RTN1: variants seen among roughly 807,000 people sequenced by gnomAD.
RTN1 encodes reticulon 1.
Under a neutral mutation model 65.5 loss-of-function variants are expected in RTN1, and 25 were observed. That is an observed-to-expected ratio of 0.38 (90% CI 0.28 to 0.53). The LOEUF is 0.53. Among genes scored for constraint, RTN1 ranks in the 20% least tolerant of loss-of-function variants. The probability of loss-of-function intolerance (pLI) is 0.79; values close to 1 mark genes in which losing one functional copy is unlikely to be tolerated. For synonymous variants in RTN1, 471 were observed against 447.6 expected, an observed-to-expected ratio of 1.05 and a Z score of -0.66; for missense variants, 983 against 1,025.4, an observed-to-expected ratio of 0.96 and a Z score of 0.57.
intron 3 of RTN1, among the ~76,000 whole-genome samples, chr14:59,683,177 A>G (rs1256629835): frequency 1.3e-5 from 2 of 152,268 alleles, no homozygotes; most frequent in East Asian, 1.9e-4. Flanking sequence ...TTGCTTTTAT[A>G]TAGCTGAAAA....
intron 3 of RTN1, among the ~76,000 whole-genome samples, chr14:59,666,865 C>T (rs373549569): frequency 1.3e-5 from 2 of 148,484 alleles, no homozygotes; most frequent in Admixed American, 6.8e-5. Flanking sequence ...TTCCTGCACA[C>T]ATACACCCTC....
intron 3 of RTN1, among the ~76,000 whole-genome samples, chr14:59,721,125 A>G (rs1884638122): frequency 6.6e-6 from 1 of 152,238 alleles, no homozygotes; most frequent in South Asian, 2.1e-4. Flanking sequence ...AACAAACATC[A>G]TAAATGCTAG....
chr14:59,842,007 T>G (rs1453183264), intron 1 of RTN1, among the ~76,000 whole-genome samples: 1 of 151,850 alleles, frequency 6.6e-6, no homozygotes, highest in Non-Finnish European at 1.5e-5. Flanking sequence ...GTGCCTGTAG[T>G]CCCAGCTACT....
At chr14:59,634,418 C>T (rs1882620855) in intron 3 of RTN1, among the ~76,000 whole-genome samples, 2 of 152,138 alleles carry the variant, frequency 1.3e-5, no homozygotes, top group African/African-American at 4.8e-5. Context: ...TAAAAGGCAA[C>T]CAGTTTGGCA....
At chr14:59,612,143 T>C (rs8014166) in intron 3 of RTN1, among the ~76,000 whole-genome samples, 24,943 of 152,202 alleles carry the variant, frequency 0.16, 3,373 homozygotes, top group African/African-American at 0.38. Flanking sequence ...TGTTTTGTTA[T>C]GTGTATTTTG....
At chr14:59,785,667 C>G (rs1284036239) in intron 1 of RTN1, among the ~76,000 whole-genome samples, 3 of 152,150 alleles carry the variant, frequency 2.0e-5, no homozygotes, top group Non-Finnish European at 2.9e-5. Flanking sequence ...TTGCATTAAA[C>G]AGATTTTTAA....
intron 3 of RTN1, among the ~76,000 whole-genome samples, chr14:59,666,495 T>C (rs1883377544): frequency 6.6e-6 from 1 of 152,082 alleles, no homozygotes; most frequent in African/African-American, 2.4e-5. Context: ...GCAGGAAAGA[T>C]CTAAAATCGA....
At chr14:59,866,661 T>C (rs1266716654) in intron 1 of RTN1, among the ~76,000 whole-genome samples, 1 of 152,180 alleles carries the variant, frequency 6.6e-6, no homozygotes, top group East Asian at 1.9e-4. Flanking sequence ...TGCATTAGTT[T>C]TCCAAACTCT....
At chr14:59,777,012 C>A (rs1463424050) in intron 1 of RTN1, among the ~76,000 whole-genome samples, 8 of 152,158 alleles carry the variant, frequency 5.3e-5, no homozygotes, top group Non-Finnish European at 1.2e-4. Flanking sequence ...TGAAAGGCTA[C>A]AACAGGCAAG....
At chr14:59,793,638 A>C (rs12432136) in intron 1 of RTN1, among the ~76,000 whole-genome samples, 24,994 of 107,202 alleles carry the variant, frequency 0.23, 2,257 homozygotes, top group Middle Eastern at 0.34. Context: ...GGCACACACC[A>C]CACACACACA....
chr14:59,802,449 T>C (rs1886564649), intron 1 of RTN1, among the ~76,000 whole-genome samples: 1 of 152,224 alleles, frequency 6.6e-6, no homozygotes, highest in South Asian at 2.1e-4. Flanking sequence ...TTTTAATTTA[T>C]AGTGTATCTG....
At chr14:59,701,121 C>T (rs1884169306) in intron 3 of RTN1, among the ~76,000 whole-genome samples, 1 of 152,150 alleles carries the variant, frequency 6.6e-6, no homozygotes, top group Non-Finnish European at 1.5e-5. Flanking sequence ...ATGCTCAACA[C>T]TATTAGTCAT....
intron 1 of RTN1, among the ~76,000 whole-genome samples, chr14:59,749,102 C>CTATATATATA (rs1212484111): frequency 5.4e-5 from 4 of 74,178 alleles, no homozygotes; most frequent in African/African-American, 3.4e-4. Flanking sequence ...ATATATATAT[C>CTATATATATA]TATATATATA....
rs149721274 is a variant in RTN1, at chr14:59,598,755, C to G, written c.2289-1968G>C. On this transcript the variant is annotated intron_variant, in intron 8 of 8. Transcript: ENST00000267484. ...ACTTCTAAAATTTCCATTCACTGCT[C>G]TTGAGAGAAAAAGGGAAATCCTACT... is the stretch of plus-strand genomic sequence containing the variant. Among the ~76,000 whole-genome samples the G allele has an allele frequency of 3.9e-5, 6 of 152,248 alleles. 1 individual carries two copies. Among genetic ancestry groups the G allele is most frequent in the Admixed American group, 2.6e-4 (4 of 15,302 alleles).
chr14:59,676,858 G>A (rs995945101), intron 3 of RTN1, among the ~76,000 whole-genome samples: 12 of 152,104 alleles, frequency 7.9e-5, no homozygotes, highest in East Asian at 1.9e-4. Context: ...AGAAATAACC[G>A]CAGCATTGAA....
At chr14:59,800,833 T>G (rs1313529281) in intron 1 of RTN1, among the ~76,000 whole-genome samples, 1 of 151,630 alleles carries the variant, frequency 6.6e-6, no homozygotes, top group East Asian at 1.9e-4. Context: ...ACGATTAATA[T>G]AATAAAAGAT....
chr14:59,601,333 C>T (rs1230921203), intron 8 of RTN1, among the ~76,000 whole-genome samples: 1 of 145,766 alleles, frequency 6.9e-6, no homozygotes, highest in African/African-American at 2.7e-5. Flanking sequence ...GCCACCTTAT[C>T]TTAATGGCTT....
At chr14:59,621,348 A>C (rs1055012884) in intron 3 of RTN1, among the ~76,000 whole-genome samples, 5 of 152,214 alleles carry the variant, frequency 3.3e-5, no homozygotes, top group Non-Finnish European at 1.5e-5. Context: ...AATACTTACT[A>C]GGATAGGCAT....
intron 1 of RTN1, among the ~76,000 whole-genome samples, chr14:59,826,929 G>A (rs1887041247): frequency 6.6e-6 from 1 of 152,178 alleles, no homozygotes; most frequent in African/African-American, 2.4e-5. Context: ...GAGAGAGATG[G>A]AAGGTGGGAG....
Sources: gnomAD v4.1 joint callset for allele counts (sites outside exome capture counted in the v4.1 genomes callset) on GRCh38, gnomAD v4.1.1 for gene constraint, MANE v1.5 for transcripts, NCBI Gene and HGNC (gene_info 2026-07-23, HGNC 2026-07-21) for gene names.